The following LCOR variants were observed in gnomAD, a reference collection of about 807,000 sequenced individuals.
LCOR encodes ligand-dependent corepressor.
Under a neutral mutation model 64.4 loss-of-function variants are expected in LCOR, and 14 were observed. That is an observed-to-expected ratio of 0.22 (90% CI 0.14 to 0.34). LCOR has a LOEUF of 0.34. Among genes scored for constraint, LCOR ranks in the 10% least tolerant of loss-of-function variants. The pLI is 1.00. For missense variants in LCOR, 1,686 were observed against 1,765.3 expected (o/e 0.96, Z 0.80); for synonymous variants, 643 against 642.5 (o/e 1.00, Z -0.01).
At chr10:96,895,113 A>G (rs1846515031) in intron 2 of LCOR, among the ~76,000 whole-genome samples, 1 of 152,140 alleles carries the variant, frequency 6.6e-6, no homozygotes, top group South Asian at 2.1e-4. Context: ...TCCCAATTTT[A>G]TATTGCCCCA....
intron 6 of LCOR, among the ~76,000 whole-genome samples, chr10:96,950,704 A>C (rs1241420622): frequency 6.6e-6 from 1 of 152,096 alleles, no homozygotes; most frequent in African/African-American, 2.4e-5. Flanking sequence ...TGAAGTAAAA[A>C]AATTTTAAAT....
intron 2 of LCOR, among the ~76,000 whole-genome samples, chr10:96,846,197 A>G (rs935465401): frequency 1.3e-5 from 2 of 151,680 alleles, no homozygotes; most frequent in Non-Finnish European, 2.9e-5. Context: ...ACACAGCAAG[A>G]CTCTATCTCA....
At chr10:96,862,827 G>A (rs1164689422) in intron 2 of LCOR, among the ~76,000 whole-genome samples, 3 of 151,968 alleles carry the variant, frequency 2.0e-5, no homozygotes, top group Admixed American at 6.6e-5. Flanking sequence ...ATGTATTTCA[G>A]AATATCACAA....
intron 2 of LCOR, among the ~76,000 whole-genome samples, chr10:96,865,515 AATTAAAATG>A (rs1267793244): frequency 6.7e-6 from 1 of 150,054 alleles, no homozygotes; most frequent in Admixed American, 6.6e-5. Flanking sequence ...ATTGAGATGC[AATTAAAATG>A]TACAGTAGTT....
intron 2 of LCOR, among the ~76,000 whole-genome samples, chr10:96,861,015 G>A (rs540618834): frequency 2.0e-5 from 3 of 152,220 alleles, no homozygotes; most frequent in Admixed American, 1.3e-4. Flanking sequence ...GATATTTCTG[G>A]GTTCTAGTTC....
rs1846867272 is a variant in LCOR, at chr10:96,912,799, G to A, written c.-184+5052G>A. ...CATTGCCTGAAAAAAAATTACTGTG[G>A]TGTTGACCAAATGATTTTCTATTTC... On this transcript the variant is annotated intron_variant, in intron 4 of 7. Transcript: ENST00000421806. Among the ~76,000 whole-genome samples the A allele has an allele frequency of 3.3e-5, 5 of 151,776 alleles. No homozygotes were observed. In the South Asian group the frequency reaches 1.0e-3, roughly 31 times the overall value.
At chr10:96,940,310 T>C (rs1847429869) in intron 4 of LCOR, among the ~76,000 whole-genome samples, 1 of 133,454 alleles carries the variant, frequency 7.5e-6, no homozygotes, top group Admixed American at 7.2e-5. Flanking sequence ...ATGATTTTTT[T>C]TTTTTTTTTT....
chr10:96,840,663 A>G (rs576237732), intron 2 of LCOR, among the ~76,000 whole-genome samples: 2 of 152,386 alleles, frequency 1.3e-5, no homozygotes, highest in Non-Finnish European at 2.9e-5. Flanking sequence ...GATTACAGGC[A>G]TGAGCCACTG....
rs1848115356 is a variant in LCOR, at chr10:96,983,555, G to A, written c.3095G>A (p.Arg1032Lys). 9.3e-6 allele frequency: 15 copies of A among 1,614,014 alleles called. No homozygotes were observed. Among genetic ancestry groups the A allele is most frequent in the Non-Finnish European group, 1.3e-5 (15 of 1,180,038 alleles). ...GCTAGGGCACCAAAATCGGTGCCAA[G>A]GCCTAAAAGATTGACCTCTTCAACC... is the stretch of plus-strand genomic sequence containing the variant. ...DAARAPKSVP[R>K]PKRLTSSTYN... The change falls in exon 8 of 8, where the codon AGG becomes AAG. Residue 1032 changes from arginine to lysine, a missense_variant. Transcript: ENST00000421806. The surrounding 1 kb of genome is among the most constrained non-coding windows in gnomAD (Gnocchi z 4.5).
chr10:96,983,492 G>C lies in LCOR; in HGVS notation c.3032G>C (p.Ser1011Thr), dbSNP rs1848114175. Residue 1011 changes from serine to threonine, a missense_variant, in exon 8 of 8, where the codon AGC (serine) becomes ACC (threonine). Physicochemically the swap from Ser to Thr is moderately conservative, Grantham distance 58 (BLOSUM62 1). Coordinates refer to ENST00000421806, the MANE Select transcript of LCOR (RefSeq NM_001346516.2). The surrounding 1 kb of genome is among the most constrained non-coding windows in gnomAD (Gnocchi z 4.5). The stretch of plus-strand genomic sequence containing the variant: ...GATGATGAGAGTGATGCCCCATGCA[G>C]CTCTCTTGGGTTGTCGAGTAGTGGA... ...QKDDESDAPC[S>T]SLGLSSSGSG... The C allele has an allele frequency of 1.9e-6, 3 of 1,614,128 alleles. No individual in the cohort carries two copies. Among genetic ancestry groups the C allele is most frequent in the African/African-American group, 1.3e-5 (1 of 75,042 alleles).
In LCOR at chr10:96,992,315, A is replaced by G. The variant is rs1848208081; in HGVS notation, c.*7181A>G. The G allele has an allele frequency of 6.6e-6, 1 of 152,258 alleles. No homozygotes were observed. The highest frequency in any genetic ancestry group is 1.5e-5 in the Non-Finnish European group (1 of 68,048). 9.4% of individuals were successfully genotyped at this position (152,258 alleles called of 1,614,324 possible). A position where few individuals can be genotyped will look rare whatever the true frequency, so the allele number is the denominator to read the frequency against. On this transcript the variant is annotated 3_prime_UTR_variant, in exon 8 of 8. Transcript: ENST00000421806. ...GATATTTTCCTGTTCAGATACTTCT[A>G]TAGAAAGTATTTATTTTAACAAGAA...
At chr10:96,964,808 A>G (rs1344875381) in intron 7 of LCOR, among the ~76,000 whole-genome samples, 1 of 152,148 alleles carries the variant, frequency 6.6e-6, no homozygotes, top group Non-Finnish European at 1.5e-5. Flanking sequence ...TTTTCTTAAG[A>G]GTATAAAACT....
intron 2 of LCOR, among the ~76,000 whole-genome samples, chr10:96,859,227 A>G (rs1845849833): frequency 6.6e-6 from 1 of 152,166 alleles, no homozygotes; most frequent in Non-Finnish European, 1.5e-5. Flanking sequence ...GTATGATGGT[A>G]AAGATGGTCA....
chr10:96,903,421 T>G (rs944421296), intron 2 of LCOR, among the ~76,000 whole-genome samples: 4 of 152,104 alleles, frequency 2.6e-5, no homozygotes, highest in Non-Finnish European at 5.9e-5. Context: ...TGATTGTACT[T>G]TATTGAAGAC....
At chr10:96,915,149 C>G (rs1323740776) in intron 4 of LCOR, among the ~76,000 whole-genome samples, 1 of 152,184 alleles carries the variant, frequency 6.6e-6, no homozygotes, top group Admixed American at 6.5e-5. Context: ...CGGAGACATT[C>G]TATTAGTGAC....
intron 4 of LCOR, among the ~76,000 whole-genome samples, chr10:96,914,245 A>T (rs1846898237): frequency 6.6e-6 from 1 of 152,158 alleles, no homozygotes; most frequent in South Asian, 2.1e-4. Context: ...TGCCCAGGCT[A>T]GAGTACAGTG....
rs753515408 is a variant in LCOR at position 96,982,440 on chromosome 10, G to A, written c.1980G>A (p.Glu660=). ...CACCAGTTGCACTGTTGGATACGGA[G>A]GAGATGAGTGTACCCCAGGACTGTC... ...NQPPVALLDT[E]EMSVPQDCHL... Residue 660 remains glutamate, a synonymous_variant, in exon 8 of 8, where the codon GAG becomes GAA. Transcript: ENST00000421806. 1.9e-6 allele frequency: 3 copies of A among 1,614,036 alleles called. No homozygotes were observed. The highest frequency in any genetic ancestry group is 3.3e-5 in the Admixed American group (2 of 60,010).
intron 2 of LCOR, among the ~76,000 whole-genome samples, chr10:96,871,850 T>C (rs1846077661): frequency 6.6e-6 from 1 of 152,114 alleles, no homozygotes; most frequent in African/African-American, 2.4e-5. Flanking sequence ...GAGGAGCATT[T>C]TGGGAGGTAT....
Position 96,983,644 on chromosome 10 carries a change from G to A in LCOR, c.3184G>A (p.Glu1062Lys). ...LDASKVTSEKEAAQVNPIMPK... is the reference protein window; with the variant it reads ...LDASKVTSEKKAAQVNPIMPK... ...TGCTTCAAAAGTGACTTCAGAAAAG[G>A]AAGCTGCACAAGTAAACCCCATAAT... Residue 1062 changes from glutamate to lysine, a missense_variant, in exon 8 of 8, where the codon GAA (glutamate) becomes AAA (lysine). Coordinates refer to ENST00000421806, the MANE Select transcript of LCOR (RefSeq NM_001346516.2). This position sits in a 1 kb window ranked among gnomAD's most constrained non-coding sequence, Gnocchi z 4.5. 6.2e-6 allele frequency: 10 copies of A among 1,614,156 alleles called. No homozygotes were observed. Among genetic ancestry groups the A allele is most frequent in the Non-Finnish European group, 8.5e-6 (10 of 1,180,018 alleles).
Sources: allele counts gnomAD v4.1 joint callset (sites outside exome capture counted in the v4.1 genomes callset), GRCh38; gene constraint gnomAD v4.1.1; non-coding constraint Gnocchi (gnomAD v3.1); transcripts MANE v1.5; gene names NCBI Gene and HGNC (gene_info 2026-07-23, HGNC 2026-07-21).